Variants in THNSL1 observed in about 807,000 individuals in gnomAD.
The protein encoded by THNSL1 is threonine synthase-like 1.
In THNSL1, 48 loss-of-function variants were observed where a neutral mutation model predicts 50.4. The ratio of observed to expected loss-of-function variants is 0.95; its 90% CI spans 0.76 to 1.21. The LOEUF (loss-of-function observed/expected upper bound fraction) is 1.21. Among genes scored for constraint, THNSL1 ranks in the 50% most tolerant of loss-of-function variants. The pLI, the probability that THNSL1 is intolerant of heterozygous loss-of-function variation, is 0.00. For synonymous variants in THNSL1, 309 were observed against 306.1 expected (o/e 1.01, Z -0.10); for missense variants, 896 against 871.7 (o/e 1.03, Z -0.35).
chr10:24,990,753 AC>A, the THNSL1 span: 3 of 807,070 alleles, frequency 3.7e-6, no homozygotes, highest in East Asian at 2.8e-5. Flanking sequence ...AAATTCAGTG[AC>A]TTTTTTCCCT....
rs1850840690 is a variant in THNSL1, at chr10:25,025,832, C to CT, written c.*378dup. Reference sequence around the variant, plus strand: ...ACTACATCTGTAACTAGTGAATACTCTGTTGATTAGAAAGTTAATTTACCA... The same window carrying CT: ...ACTACATCTGTAACTAGTGAATACTCTTGTTGATTAGAAAGTTAATTTACCA... On this transcript the variant is annotated 3_prime_UTR_variant, in exon 3 of 3. Transcript: ENST00000376356. The CT allele has an allele frequency of 5.5e-6, 1 of 180,548 alleles. No homozygotes were observed. The highest frequency in any genetic ancestry group is 1.3e-5 in the Non-Finnish European group (1 of 76,944). 11.2% of individuals were successfully genotyped at this position (180,548 alleles called of 1,614,324 possible).
the THNSL1 span, among the ~76,000 whole-genome samples, chr10:25,004,763 A>C: frequency 6.6e-6 from 1 of 152,094 alleles, no homozygotes; most frequent in African/African-American, 2.4e-5. Flanking sequence ...TCTTTACTTT[A>C]ATTAGATCCC....
chr10:24,955,076 G>A, the THNSL1 span, among the ~76,000 whole-genome samples: 2 of 152,158 alleles, frequency 1.3e-5, no homozygotes, highest in Non-Finnish European at 2.9e-5. Context: ...GCAAGGCTGG[G>A]AGGCCTCAGG....
chr10:24,977,636 A>G, the THNSL1 span, among the ~76,000 whole-genome samples: 2 of 152,354 alleles, frequency 1.3e-5, no homozygotes, highest in East Asian at 1.9e-4. Context: ...TAATAAAAAA[A>G]TGAGCTTTAC....
At chr10:24,996,454 G>GTA in the THNSL1 span, among the ~76,000 whole-genome samples, 84 of 149,504 alleles carry the variant, frequency 5.6e-4, no homozygotes, top group African/African-American at 1.9e-3. Flanking sequence ...GTGTGTGTGT[G>GTA]TGTATATATA....
chr10:25,023,480 T>G lies in THNSL1; in HGVS notation c.257T>G (p.Val86Gly), dbSNP rs1432192570. ...GQKLGCCVID[V>G]DDDILEKTWN... Reference sequence around the variant, plus strand: ...AAACTAGGTTGTTGTGTCATAGATGTGGATGATGATATCCTTGAAAAAACC... The same window carrying G: ...AAACTAGGTTGTTGTGTCATAGATGGGGATGATGATATCCTTGAAAAAACC... The change falls in exon 3 of 3, where the codon GTG becomes GGG. Residue 86 changes from valine (V) to glycine (G), a missense_variant. Physicochemically the swap from Val to Gly is moderately radical, Grantham distance 109 (BLOSUM62 -3). Transcript: ENST00000376356. 6.2e-7 allele frequency: 1 copy of G among 1,614,154 alleles called. No individual in the cohort carries two copies. The highest frequency in any genetic ancestry group is 2.2e-5 in the East Asian group (1 of 44,870).
At chr10:24,972,232 G>A in the THNSL1 span, among the ~76,000 whole-genome samples, 52 of 150,700 alleles carry the variant, frequency 3.5e-4, no homozygotes, top group African/African-American at 1.3e-3. Context: ...ACTAGGCCGG[G>A]AGTGGTGGCT....
rs776225144 is a variant in THNSL1, at chr10:25,023,494, C to T, written c.271C>T (p.Leu91Phe). Residue 91 changes from leucine (L) to phenylalanine (F), a missense_variant, in exon 3 of 3, where the codon CTT (leucine) becomes TTT (phenylalanine). Coordinates refer to ENST00000376356, the MANE Select transcript of THNSL1 (RefSeq NM_024838.5). ...TGTCATAGATGTGGATGATGATATC[C>T]TTGAAAAAACCTGGAATATGAGTGT... ...CCVIDVDDDI[L>F]EKTWNMSVSE... The T allele has an allele frequency of 1.9e-6, 3 of 1,613,884 alleles. No individual in the cohort carries two copies. Among genetic ancestry groups the T allele is most frequent in the Admixed American group, 1.7e-5 (1 of 59,986 alleles).
chr10:24,994,394 C>G, the THNSL1 span, among the ~76,000 whole-genome samples: 1 of 149,708 alleles, frequency 6.7e-6, no homozygotes, highest in East Asian at 2.0e-4. Context: ...AGTGCAGTGA[C>G]GCGACCTTGG....
the THNSL1 span, among the ~76,000 whole-genome samples, chr10:24,999,247 A>G: frequency 3.3e-5 from 5 of 152,290 alleles, no homozygotes; most frequent in East Asian, 7.7e-4. Flanking sequence ...TTTCTACCCA[A>G]TTCTCTACTT....
chr10:24,961,368 G>C, the THNSL1 span, among the ~76,000 whole-genome samples: 3 of 152,092 alleles, frequency 2.0e-5, no homozygotes, highest in African/African-American at 7.2e-5. Context: ...TCCAAATTTT[G>C]ATTGTATAAA....
the THNSL1 span, among the ~76,000 whole-genome samples, chr10:24,997,582 TCTCACTTTGTTG>T: frequency 6.6e-6 from 1 of 151,794 alleles, no homozygotes; most frequent in African/African-American, 2.4e-5. Flanking sequence ...AGAGATAGGG[TCTCACTTTGTTG>T]CTCAGGCTGG....
At chr10:25,002,373 C>G in the THNSL1 span, among the ~76,000 whole-genome samples, 2 of 152,216 alleles carry the variant, frequency 1.3e-5, no homozygotes, top group South Asian at 2.1e-4. Context: ...TGAATTCTAG[C>G]AGCTTTGGCC....
chr10:25,024,701 A>G lies in THNSL1; in HGVS notation c.1478A>G (p.Gln493Arg), dbSNP rs148668289. Residue 493 changes from glutamine (Q) to arginine (R), a missense_variant, in exon 3 of 3, where the codon CAA becomes CGA. Coordinates refer to ENST00000376356, the MANE Select transcript of THNSL1 (RefSeq NM_024838.5). ...TCCGCATATCTTGATCTTGTTAGTC[A>G]AGGATTTATTTCTTTTGGAAGCCCA... ...HASAYLDLVS[Q>R]GFISFGSPVD... 1.2e-6 allele frequency: 2 copies of G among 1,614,122 alleles called. No individual in the cohort carries two copies. Among genetic ancestry groups the G allele is most frequent in the African/African-American group, 2.7e-5 (2 of 74,950 alleles).
At chr10:24,981,516 T>C in the THNSL1 span, among the ~76,000 whole-genome samples, 1 of 152,164 alleles carries the variant, frequency 6.6e-6, no homozygotes, top group Non-Finnish European at 1.5e-5. Flanking sequence ...AGTCCTCTCC[T>C]GCAACCAGAT....
At chr10:24,994,962 A>T in the THNSL1 span, among the ~76,000 whole-genome samples, 1 of 152,158 alleles carries the variant, frequency 6.6e-6, no homozygotes, top group Non-Finnish European at 1.5e-5. Flanking sequence ...TGGAAGTTGC[A>T]GTGAGCTGAG....
At chr10:24,969,410 G>C in the THNSL1 span, among the ~76,000 whole-genome samples, 3 of 152,110 alleles carry the variant, frequency 2.0e-5, no homozygotes, top group African/African-American at 7.2e-5. Flanking sequence ...TTTTATAAGT[G>C]AGCTCTGAAG....
chr10:24,963,137 A>G, the THNSL1 span, among the ~76,000 whole-genome samples: 1 of 152,336 alleles, frequency 6.6e-6, no homozygotes, highest in East Asian at 1.9e-4. Flanking sequence ...CACCTTTTCC[A>G]GAGAATAAAG....
In THNSL1 at chr10:25,023,343, G is replaced by A. The variant is rs539175542; in HGVS notation, c.120G>A (p.Ala40=). 5.6e-6 allele frequency: 9 copies of A among 1,614,106 alleles called. No individual in the cohort carries two copies. In the East Asian group the frequency reaches 6.7e-5, roughly 12 times the overall value. Residue 40 remains alanine, a synonymous_variant, in exon 3 of 3, where the codon GCG becomes GCA. Transcript: ENST00000376356. The stretch of plus-strand genomic sequence containing the variant: ...TTCTTTCAAGAACCTTTGCACTTGC[G>A]GAATTGAGGAAGTCATGGTATTCAA... ...QRFLSRTFAL[A]ELRKSWYSTH... is the part of the protein sequence containing the mutation.
Sources: allele counts gnomAD v4.1 joint callset (sites outside exome capture counted in the v4.1 genomes callset), GRCh38; gene constraint gnomAD v4.1.1; transcripts MANE v1.5; gene names NCBI Gene and HGNC (gene_info 2026-07-23, HGNC 2026-07-21).